The following ANXA11 variants were observed in gnomAD, a reference collection of about 807,000 sequenced individuals.
The protein encoded by ANXA11 is annexin A11, also known as 56 kDa autoantigen.
In ANXA11, 57 loss-of-function variants were observed where a neutral mutation model predicts 64.7. The observed-to-expected ratio is 0.88, with a 90% CI of 0.71 to 1.10. ANXA11 has a LOEUF of 1.10. Ranked by LOEUF, ANXA11 falls within the 50% of genes least tolerant of loss-of-function variation. The probability of loss-of-function intolerance (pLI) is 0.00; values close to 1 mark genes in which losing one functional copy is unlikely to be tolerated. For missense variants in ANXA11, 675 were observed against 670.7 expected (o/e 1.01, Z -0.07); for synonymous variants, 260 against 265.2 (o/e 0.98, Z 0.19).
intron 4 of ANXA11, among the ~76,000 whole-genome samples, 188 bp downstream of exon 4, chr10:80,170,612 C>T (rs1191972750): frequency 1.3e-5 from 2 of 152,148 alleles, no homozygotes; most frequent in East Asian, 1.9e-4. Flanking sequence ...AAAGTGAGAC[C>T]CAGAGAGGGG....
chr10:80,173,840 G>A (rs1342050452), intron 2 of ANXA11, among the ~76,000 whole-genome samples: 2 of 152,222 alleles, frequency 1.3e-5, no homozygotes, highest in Admixed American at 6.5e-5. Context: ...ACGCTGCAAT[G>A]CATATCAGAA....
intron 2 of ANXA11, 166 bp from the exon 3 acceptor site, chr10:80,173,035 G>A (rs1005651231): frequency 3.5e-5 from 21 of 598,470 alleles, no homozygotes; most frequent in East Asian, 8.8e-5. Flanking sequence ...TCCTGCTGGT[G>A]CCTCCAGCTA....
At chr10:80,167,413 A>G (rs919808771) in intron 5 of ANXA11, 100 bp from the exon 6 acceptor site, 1 of 1,052,222 alleles carries the variant, frequency 9.5e-7, no homozygotes, top group Non-Finnish European at 1.4e-6. Context: ...CCTTTCTCTA[A>G]GAGTTGGAGT....
At chr10:80,164,517 A>T (rs1307034556) in intron 8 of ANXA11, among the ~76,000 whole-genome samples, 1 of 152,212 alleles carries the variant, frequency 6.6e-6, no homozygotes, top group Non-Finnish European at 1.5e-5. Flanking sequence ...ACTGAAAAAA[A>T]TGGGTAAAAA....
At chr10:80,185,333 CCT>C (rs1485975691) in intron 1 of ANXA11, among the ~76,000 whole-genome samples, 4 of 152,186 alleles carry the variant, frequency 2.6e-5, no homozygotes, top group African/African-American at 4.8e-5. Flanking sequence ...GAATGTGTTC[CCT>C]GACACCAGCT....
In ANXA11 at chr10:80,169,009, G is replaced by A. The variant is rs140912946; in HGVS notation, c.521C>T (p.Pro174Leu). The A allele has an allele frequency of 1.2e-4, 182 of 1,543,538 alleles. 1 individual carries two copies. The highest frequency in any genetic ancestry group is 3.6e-4 in the East Asian group (16 of 43,878). Residue 174 changes from proline to leucine, a missense_variant, in exon 5 of 16, where the codon CCG (proline) becomes CTG (leucine). By Grantham distance (98) the Pro-to-Leu change is moderately conservative. Coordinates refer to ENST00000422982, the MANE Select transcript of ANXA11 (RefSeq NM_145868.2). ...QQPVPSYPGY[P>L]GSGTVTPAVP... ...AGCGGGGGTGACAGTCCCAGACCCC[G>A]GGTATCCTGGGTAGCTCGGCACTGG...
At chr10:80,190,012 C>T (rs1846701679) in intron 1 of ANXA11, among the ~76,000 whole-genome samples, 1 of 152,228 alleles carries the variant, frequency 6.6e-6, no homozygotes, top group South Asian at 2.1e-4. Context: ...ACAAGCCAGG[C>T]ACAAAAGAAC....
At chr10:80,166,791 C>T (rs991893656) in intron 7 of ANXA11, 99 bp downstream of exon 7, 28 of 917,016 alleles carry the variant, frequency 3.1e-5, no homozygotes, top group African/African-American at 8.1e-5. Context: ...ACTGTCCATC[C>T]GGGAGATCCG....
rs1845148705 is a variant in ANXA11, at chr10:80,151,010, C to A, written c.*4843G>T. ...CTTATTTGCTGCTTTTGTGGAAGGA[C>A]AGACTTGTGGAATTTCCTATTCCAT... On this transcript the variant is annotated 3_prime_UTR_variant, in exon 16 of 16. Transcript: ENST00000422982. The A allele has an allele frequency of 6.6e-6, 1 of 152,290 alleles. No homozygotes were observed. The highest frequency in any genetic ancestry group is 1.9e-4 in the East Asian group (1 of 5,180). The allele number at this position is 152,290 out of a possible 1,614,324, so 9.4% of individuals were successfully genotyped here.
chr10:80,158,100 G>T, intron 13 of ANXA11, 75 bp from the exon 14 acceptor site: 1 of 1,420,430 alleles, frequency 7.0e-7, no homozygotes. Context: ...GTCTACAAGT[G>T]TCCTCTTAGA....
intron 2 of ANXA11, among the ~76,000 whole-genome samples, chr10:80,173,613 G>A (rs1407753628): frequency 6.6e-6 from 1 of 152,154 alleles, no homozygotes; most frequent in Non-Finnish European, 1.5e-5. Flanking sequence ...CGGATCCCTT[G>A]GCAATGTCCC....
intron 1 of ANXA11, among the ~76,000 whole-genome samples, chr10:80,202,204 A>G (rs370009900): frequency 0.28 from 24,882 of 90,342 alleles, 2,800 homozygotes; most frequent in African/African-American, 0.43. Flanking sequence ...GTGGGGGGGA[A>G]GCGGGGGGTC....
chr10:80,197,815 T>C (rs926508435), intron 1 of ANXA11, among the ~76,000 whole-genome samples: 1 of 151,988 alleles, frequency 6.6e-6, no homozygotes, highest in Non-Finnish European at 1.5e-5. Context: ...TCCCAGCTAC[T>C]TGTGAGTCTG....
At chr10:80,162,524 C>A (rs1387477970) in intron 11 of ANXA11, among the ~76,000 whole-genome samples, 3 of 152,242 alleles carry the variant, frequency 2.0e-5, no homozygotes, top group African/African-American at 4.8e-5. Context: ...CTTGTCCGGG[C>A]TCTGCTTCTA....
At chr10:80,161,226 T>C (rs1184874988) in intron 12 of ANXA11, among the ~76,000 whole-genome samples, 1 of 152,148 alleles carries the variant, frequency 6.6e-6, no homozygotes, top group Non-Finnish European at 1.5e-5. Context: ...CTCCACCTGC[T>C]CCACATGGTC....
intron 1 of ANXA11, among the ~76,000 whole-genome samples, chr10:80,199,332 C>T (rs928816850): frequency 2.0e-5 from 3 of 152,158 alleles, no homozygotes; most frequent in East Asian, 1.9e-4. Context: ...CTCCTGACCT[C>T]GTGATCTGCC....
In ANXA11 at chr10:80,172,883, C is replaced by T. The variant is rs575988291; in HGVS notation, c.-8-14G>A. 1.9e-5 allele frequency: 31 copies of T among 1,613,306 alleles called. No individual in the cohort carries two copies. Among genetic ancestry groups the T allele is most frequent in the East Asian group, 4.5e-5 (2 of 44,874 alleles). ...TCATGGTTAGATCTGGAAGAGAAGA[C>T]GAAAGCACATTCAGGCTCTGCCTGA... On this transcript the variant is annotated splice_polypyrimidine_tract_variant and intron_variant, in intron 2 of 15. Coordinates refer to ENST00000422982, the MANE Select transcript of ANXA11 (RefSeq NM_145868.2).
At chr10:80,172,467 G>T (rs1846016077) in intron 3 of ANXA11, among the ~76,000 whole-genome samples, 1 of 152,196 alleles carries the variant, frequency 6.6e-6, no homozygotes, top group South Asian at 2.1e-4. Context: ...TAATGAGGGA[G>T]AAATCCTTGA....
rs1372402090 is a variant in ANXA11 at position 80,169,348 on chromosome 10, A to G, written c.182T>C (p.Met61Thr). The G allele has an allele frequency of 2.5e-6, 4 of 1,606,204 alleles. No homozygotes were observed. The South Asian group carries it at 3.3e-5, about 13-fold the overall frequency. Reference protein sequence around the residue: ...QDYLSGMAANMSGTFGGANMP... With the variant: ...QDYLSGMAANTSGTFGGANMP... ...GTTGGCTCCTCCAAATGTCCCAGACATGTTGGCCGCCTGCAAGGACACAAA... is the reference window on the plus strand; with the variant it reads ...GTTGGCTCCTCCAAATGTCCCAGACGTGTTGGCCGCCTGCAAGGACACAAA... The change falls in exon 5 of 16, where the codon ATG becomes ACG. Residue 61 changes from methionine to threonine, a missense_variant. By Grantham distance (81) the Met-to-Thr change is moderately conservative. Coordinates refer to ENST00000422982, the MANE Select transcript of ANXA11 (RefSeq NM_145868.2).
Sources: allele counts gnomAD v4.1 joint callset (sites outside exome capture counted in the v4.1 genomes callset), GRCh38; gene constraint gnomAD v4.1.1; transcripts MANE v1.5; gene names NCBI Gene and HGNC (gene_info 2026-07-23, HGNC 2026-07-21).